RAD51B: variants seen among roughly 807,000 people sequenced by gnomAD.
The protein encoded by RAD51B is RAD51 paralog B.
A neutral mutation model predicts 42.2 loss-of-function variants in RAD51B; 38 were observed. The ratio of observed to expected loss-of-function variants is 0.90; its 90% confidence interval spans 0.70 to 1.18. The LOEUF (loss-of-function observed/expected upper bound fraction) is 1.18, where lower values mean the gene tolerates loss of function less well. Ranked by LOEUF, RAD51B falls within the 50% of genes most tolerant of loss-of-function variation. The pLI is 0.00. For synonymous variants in RAD51B, 154 were observed against 145.2 expected, an observed-to-expected ratio of 1.06 and a Z score of -0.43; for missense variants, 373 against 400.7, an observed-to-expected ratio of 0.93 and a Z score of 0.59.
intron 10 of RAD51B, among the ~76,000 whole-genome samples, chr14:68,617,108 G>C (rs1238947025): frequency 6.6e-6 from 1 of 151,922 alleles, no homozygotes; most frequent in Non-Finnish European, 1.5e-5. Flanking sequence ...ACATTTTTCT[G>C]CTACCTGGTG....
intron 7 of RAD51B, among the ~76,000 whole-genome samples, chr14:68,263,131 C>T (rs181827736): frequency 6.6e-6 from 1 of 152,334 alleles, no homozygotes; most frequent in African/African-American, 2.4e-5. Context: ...ATGATACTGA[C>T]CACCCTGATG....
intron 5 of RAD51B, among the ~76,000 whole-genome samples, chr14:67,877,515 A>G (rs2042765662): frequency 6.6e-6 from 1 of 151,852 alleles, no homozygotes; most frequent in Admixed American, 6.6e-5. Flanking sequence ...TCTTTATCCC[A>G]TTTCCCATTG....
intron 7 of RAD51B, among the ~76,000 whole-genome samples, chr14:67,951,470 C>T (rs1437468980): frequency 1.3e-5 from 2 of 152,098 alleles, no homozygotes; most frequent in African/African-American, 4.8e-5. Flanking sequence ...TAATGTAGTA[C>T]CCATTTTTTC....
At chr14:68,087,144 A>G (rs2076997895) in intron 7 of RAD51B, among the ~76,000 whole-genome samples, 1 of 152,036 alleles carries the variant, frequency 6.6e-6, no homozygotes. Context: ...TCAAAAAAAA[A>G]AAAAAGAGAG....
intron 8 of RAD51B, among the ~76,000 whole-genome samples, chr14:68,373,752 TTC>T (rs2083307626): frequency 1.3e-5 from 2 of 152,152 alleles, no homozygotes; most frequent in South Asian, 4.1e-4. Context: ...AACCTGCACA[TTC>T]TACACGTGTA....
chr14:68,449,194 T>C (rs1166007230), intron 9 of RAD51B, among the ~76,000 whole-genome samples: 6 of 152,176 alleles, frequency 3.9e-5, no homozygotes, highest in African/African-American at 1.4e-4. Context: ...AAATCTAAAG[T>C]ATTTTCATTT....
At position 67,928,189 on chromosome 14, in the gene RAD51B, A is replaced by G. The variant is rs866274570; in HGVS notation, c.756+40985A>G. ...TTCAATCTTGATACTCATTATGTTC[A>G]GGTTTTCTATTTTTCCTGATTCAAT... On this transcript the variant is annotated intron_variant, in intron 7 of 10. Transcript: ENST00000471583. Among the ~76,000 whole-genome samples, 23 of 152,182 alleles carry G rather than the reference A, an allele frequency of 1.5e-4. No homozygotes were observed. In the South Asian group the frequency reaches 3.1e-3, roughly 21 times the overall value.
chr14:68,101,844 A>C (rs1049003956), intron 7 of RAD51B, among the ~76,000 whole-genome samples: 4 of 152,336 alleles, frequency 2.6e-5, no homozygotes, highest in Admixed American at 2.6e-4. Flanking sequence ...CTCCAACCCG[A>C]CATTTCCCTT....
At chr14:67,909,890 A>G (rs1393004516) in intron 7 of RAD51B, among the ~76,000 whole-genome samples, 2 of 152,168 alleles carry the variant, frequency 1.3e-5, no homozygotes, top group African/African-American at 4.8e-5. Flanking sequence ...TCCTGGGCTC[A>G]AGCCATCCTC....
chr14:68,162,542 T>A (rs1595493382), intron 7 of RAD51B, among the ~76,000 whole-genome samples: 1 of 152,164 alleles, frequency 6.6e-6, no homozygotes, highest in Admixed American at 6.6e-5. Context: ...TACTAGCACT[T>A]TGGGAGGCGG....
intron 7 of RAD51B, among the ~76,000 whole-genome samples, chr14:68,019,231 A>G (rs2075824827): frequency 6.6e-6 from 1 of 152,168 alleles, no homozygotes; most frequent in Admixed American, 6.5e-5. Flanking sequence ...GGTGAAATAG[A>G]CGGGAACAAA....
intron 11 of RAD51B, among the ~76,000 whole-genome samples, chr14:68,666,860 T>C (rs1209916002): frequency 1.3e-5 from 2 of 152,200 alleles, no homozygotes; most frequent in Non-Finnish European, 2.9e-5. Flanking sequence ...CAACAGGATC[T>C]CCCTCTATAT....
At chr14:68,583,625 C>T (rs1890313187) in intron 10 of RAD51B, among the ~76,000 whole-genome samples, 1 of 152,178 alleles carries the variant, frequency 6.6e-6, no homozygotes, top group Non-Finnish European at 1.5e-5. Flanking sequence ...CAGACCCTGG[C>T]TCCATTTAGC....
At chr14:67,859,809 T>C (rs1216604612) in intron 4 of RAD51B, among the ~76,000 whole-genome samples, 1 of 152,140 alleles carries the variant, frequency 6.6e-6, no homozygotes, top group Non-Finnish European at 1.5e-5. Flanking sequence ...GGAAACAATA[T>C]GGCAACAAGT....
At chr14:68,248,536 T>C (rs982418400) in intron 7 of RAD51B, among the ~76,000 whole-genome samples, 3 of 150,916 alleles carry the variant, frequency 2.0e-5, no homozygotes, top group African/African-American at 7.3e-5. Flanking sequence ...AACATAGCCT[T>C]TTTTTTTTAA....
intron 10 of RAD51B, among the ~76,000 whole-genome samples, chr14:68,566,791 T>G (rs990584696): frequency 1.2e-4 from 19 of 152,122 alleles, no homozygotes; most frequent in African/African-American, 4.6e-4. Context: ...CAACACCAAA[T>G]CCCAATTTCT....
At chr14:68,003,045 T>C (rs1056187785) in intron 7 of RAD51B, among the ~76,000 whole-genome samples, 1 of 152,160 alleles carries the variant, frequency 6.6e-6, no homozygotes, top group African/African-American at 2.4e-5. Flanking sequence ...TTTTAAATAG[T>C]GTTTTCTAAT....
At chr14:67,909,672 T>C (rs900090523) in intron 7 of RAD51B, among the ~76,000 whole-genome samples, 19 of 151,850 alleles carry the variant, frequency 1.3e-4, no homozygotes, top group Admixed American at 1.0e-3. Flanking sequence ...TTATATACTT[T>C]TTTGTTGTTG....
rs563338745 is a variant in RAD51B at position 68,400,897 on chromosome 14, AT to A, written c.854-10517del. Among the ~76,000 whole-genome samples the A allele has an allele frequency of 1.2e-3, 180 of 150,714 alleles. 1 individual carries two copies. The East Asian group carries it at 0.029, about 25-fold the overall frequency. ...ATTTCACTACAAGTCACCATTCAGG[AT>A]TTTTTTTTTCCTTTCCTTAAGTAGA... On this transcript the variant is annotated intron_variant, in intron 8 of 10. Transcript: ENST00000471583.
Sources: allele counts gnomAD v4.1 joint callset (sites outside exome capture counted in the v4.1 genomes callset), GRCh38; gene constraint gnomAD v4.1.1; transcripts MANE v1.5; gene names NCBI Gene and HGNC (gene_info 2026-07-23, HGNC 2026-07-21).